Variants in UBE2D1 observed in about 807,000 individuals in gnomAD.
UBE2D1 encodes the protein ubiquitin-conjugating enzyme E2 D1.
In UBE2D1, 9 loss-of-function variants were observed where a neutral mutation model predicts 24.6. The observed-to-expected ratio is 0.37, with a 90% confidence interval of 0.22 to 0.64. The LOEUF (loss-of-function observed/expected upper bound fraction) is 0.64. Ranked by LOEUF, UBE2D1 falls within the 30% of genes least tolerant of loss-of-function variation. The probability of loss-of-function intolerance (pLI) is 0.64; values close to 1 mark genes in which losing one functional copy is unlikely to be tolerated. For missense variants in UBE2D1, 87 were observed against 177.1 expected, an observed-to-expected ratio of 0.49 and a Z score of 2.89; for synonymous variants, 57 against 57.6, an observed-to-expected ratio of 0.99 and a Z score of 0.04.
chr10:58,363,757 TTATC>T, intron 4 of UBE2D1, 71 bp downstream of exon 4: 1 of 1,162,772 alleles, frequency 8.6e-7, no homozygotes, highest in Non-Finnish European at 1.2e-6. Flanking sequence ...GCTCATTTGA[TTATC>T]TAGAGCTCAT....
At position 58,335,114 on chromosome 10, in the gene UBE2D1, G is replaced by T. The variant is rs1391710833; in HGVS notation, c.-88G>T. The T allele has an allele frequency of 4.2e-6, 6 of 1,431,316 alleles. No homozygotes were observed. The East Asian group carries it at 7.8e-5, about 19-fold the overall frequency. The allele number at this position is 1,431,316 out of a possible 1,614,324, so 88.7% of individuals were successfully genotyped here. Reference sequence around the variant, plus strand: ...CCCACCGCGCGGAGCCAGCCTAGCTGCCAGCGAGCCCAACCCGCGACGACC... The same window carrying T: ...CCCACCGCGCGGAGCCAGCCTAGCTTCCAGCGAGCCCAACCCGCGACGACC... On this transcript the variant is annotated 5_prime_UTR_variant, in exon 1 of 7. Coordinates refer to ENST00000373910, the MANE Select transcript of UBE2D1 (RefSeq NM_003338.5).
rs930843698 is a variant in UBE2D1, at chr10:58,358,987, T to C, written c.25-2351T>C. ...GCTAACCCTGTTAGTTAATTCTTAC[T>C]AGGAAGAGAAACCGCACCAGCTATT... is the stretch of plus-strand genomic sequence containing the variant. On this transcript the variant is annotated intron_variant, in intron 1 of 6. Coordinates refer to ENST00000373910, the MANE Select transcript of UBE2D1 (RefSeq NM_003338.5). 7.1e-4 allele frequency among the ~76,000 whole-genome samples: 91 copies of C among 127,800 alleles called. 1 individual carries two copies. The highest frequency in any genetic ancestry group is 2.7e-3 in the African/African-American group (90 of 33,326). 83.8% of individuals were successfully genotyped at this position (127,800 alleles called of 152,430 possible).
chr10:58,339,400 G>A (rs765015089), intron 1 of UBE2D1, among the ~76,000 whole-genome samples: 3 of 152,100 alleles, frequency 2.0e-5, no homozygotes, highest in African/African-American at 4.8e-5. Flanking sequence ...ACCACCTCAC[G>A]CAGCCAAAGG....
chr10:58,352,738 A>G (rs1287266832), intron 1 of UBE2D1, among the ~76,000 whole-genome samples: 2 of 152,144 alleles, frequency 1.3e-5, no homozygotes, highest in African/African-American at 4.8e-5. Context: ...AGGTCTTATC[A>G]CCTTACTTTT....
intron 1 of UBE2D1, among the ~76,000 whole-genome samples, chr10:58,346,010 CTTT>C (rs972974578): frequency 8.8e-5 from 12 of 136,454 alleles, no homozygotes; most frequent in Non-Finnish European, 8.0e-5. Flanking sequence ...GGAGCTAATA[CTTT>C]TTTTTTTTTT....
At chr10:58,351,243 C>T (rs533016311) in intron 1 of UBE2D1, among the ~76,000 whole-genome samples, 37 of 152,262 alleles carry the variant, frequency 2.4e-4, no homozygotes, top group Middle Eastern at 3.4e-3. Context: ...ATAAATTAAA[C>T]TTAGCTTACT....
chr10:58,365,777 T>C (rs901696510), intron 5 of UBE2D1, among the ~76,000 whole-genome samples: 3 of 152,226 alleles, frequency 2.0e-5, no homozygotes, highest in Non-Finnish European at 2.9e-5. Context: ...AGTTTTCCGT[T>C]TTTATAAAAT....
At chr10:58,335,576 C>T (rs1403362598) in intron 1 of UBE2D1, among the ~76,000 whole-genome samples, 1 of 152,264 alleles carries the variant, frequency 6.6e-6, no homozygotes, top group Non-Finnish European at 1.5e-5. Flanking sequence ...CTAGTTTTGA[C>T]CCCTGTCATG....
In UBE2D1 at chr10:58,354,688, A is replaced by G. The variant is rs543526441; in HGVS notation, c.25-6650A>G. Among the ~76,000 whole-genome samples, 4 of 152,130 alleles carry G rather than the reference A, an allele frequency of 2.6e-5. No homozygotes were observed. In the East Asian group the frequency reaches 7.7e-4, roughly 29 times the overall value. On this transcript the variant is annotated intron_variant, in intron 1 of 6. Transcript: ENST00000373910. ...TTTTCTACTAAAAAATACAAAAACTAGCTGGGCGTGGTGGTACATGCCTGT... is the reference window on the plus strand; with the variant it reads ...TTTTCTACTAAAAAATACAAAAACTGGCTGGGCGTGGTGGTACATGCCTGT...
At chr10:58,363,270 G>A (rs763011362) in intron 3 of UBE2D1, among the ~76,000 whole-genome samples, 13 of 152,044 alleles carry the variant, frequency 8.6e-5, no homozygotes, top group African/African-American at 2.4e-4. Flanking sequence ...CACAGCAGTC[G>A]TGTGTATACT....
In UBE2D1 at chr10:58,356,953, G is replaced by C. The variant is rs77890731; in HGVS notation, c.25-4385G>C. 2.4e-3 allele frequency among the ~76,000 whole-genome samples: 359 copies of C among 152,238 alleles called. 13 individuals carry two copies. The East Asian group carries it at 0.066, about 28-fold the overall frequency. On this transcript the variant is annotated intron_variant, in intron 1 of 6. Coordinates refer to ENST00000373910, the MANE Select transcript of UBE2D1 (RefSeq NM_003338.5). ...AAAAGCATGGCCATGAAGAGTTCTT[G>C]GCAGGAAGCCTGGGGGGCTTATGAA...
intron 1 of UBE2D1, among the ~76,000 whole-genome samples, chr10:58,350,519 G>A (rs187680803): frequency 2.8e-4 from 42 of 152,228 alleles, no homozygotes; most frequent in African/African-American, 9.4e-4. Context: ...TCAGATACAT[G>A]TAATATTGCA....
chr10:58,368,604 T>C (rs3802699), intron 6 of UBE2D1, 116 bp from the exon 7 acceptor site: 30,273 of 534,342 alleles, frequency 0.057, 1,072 homozygotes, highest in African/African-American at 0.14. Flanking sequence ...GTAATTGATA[T>C]ATGTGTGATT....
chr10:58,355,938 A>G (rs1288004288), intron 1 of UBE2D1, among the ~76,000 whole-genome samples: 1 of 152,144 alleles, frequency 6.6e-6, no homozygotes, highest in Non-Finnish European at 1.5e-5. Context: ...TCTTCTTAGT[A>G]GCTATCCTCC....
At chr10:58,346,306 C>A (rs768450186) in intron 1 of UBE2D1, among the ~76,000 whole-genome samples, 32 of 152,082 alleles carry the variant, frequency 2.1e-4, no homozygotes, top group Admixed American at 9.2e-4. Flanking sequence ...GCCACCATAC[C>A]CGGCCGGAAT....
intron 1 of UBE2D1, chr10:58,361,007 C>A: frequency 2.2e-6 from 1 of 461,044 alleles, no homozygotes; most frequent in South Asian, 1.8e-5. Flanking sequence ...TAAAATAGTA[C>A]CTGTTTTCTG....
At position 58,370,269 on chromosome 10, in the gene UBE2D1, G is replaced by A. The variant is rs1840301258; in HGVS notation, c.*1504G>A. On this transcript the variant is annotated 3_prime_UTR_variant, in exon 7 of 7. Transcript: ENST00000373910. The stretch of plus-strand genomic sequence containing the variant: ...TGAGTGAGTGTCATTTTTAAGAACA[G>A]TTGTAGCCCTTCTGATTATTGCAGT... The A allele has an allele frequency of 6.6e-6, 1 of 152,122 alleles. No individual in the cohort carries two copies. Among genetic ancestry groups the A allele is most frequent in the Admixed American group, 6.6e-5 (1 of 15,244 alleles). 9.4% of individuals were successfully genotyped at this position (152,122 alleles called of 1,614,324 possible).
chr10:58,344,189 C>G (rs148450065), intron 1 of UBE2D1, among the ~76,000 whole-genome samples: 2 of 152,172 alleles, frequency 1.3e-5, no homozygotes, highest in African/African-American at 4.8e-5. Flanking sequence ...ACTTATCACA[C>G]TTTTGTTTCT....
chr10:58,352,181 G>A (rs566138286), intron 1 of UBE2D1, among the ~76,000 whole-genome samples: 11 of 151,922 alleles, frequency 7.2e-5, no homozygotes, highest in Non-Finnish European at 1.5e-4. Flanking sequence ...AAGTACTCTT[G>A]GTCCCATTCA....
Sources: gnomAD v4.1 joint callset for allele counts (sites outside exome capture counted in the v4.1 genomes callset) on GRCh38, gnomAD v4.1.1 for gene constraint, MANE v1.5 for transcripts, NCBI Gene and HGNC (gene_info 2026-07-23, HGNC 2026-07-21) for gene names.